ENTREP2: variants seen among roughly 807,000 people sequenced by gnomAD.
ENTREP2 encodes protein ENTREP2.
chr15:29,503,383 G>A, the ENTREP2 span, among the ~76,000 whole-genome samples: 8 of 152,144 alleles, frequency 5.3e-5, no homozygotes, highest in African/African-American at 1.9e-4. Flanking sequence ...ATGTCCAGAA[G>A]AGGCAAAATC....
the ENTREP2 span, chr15:29,569,427 T>G: frequency 2.1e-5 from 3 of 145,162 alleles, no homozygotes; most frequent in African/African-American, 7.4e-5. Context: ...TTTCAAATTT[T>G]AAAACTCAAG....
the ENTREP2 span, among the ~76,000 whole-genome samples, chr15:29,127,007 GC>G: frequency 6.6e-6 from 1 of 152,180 alleles, no homozygotes; most frequent in Non-Finnish European, 1.5e-5. Flanking sequence ...CAGCAGCCTT[GC>G]CCTGGGAACA....
chr15:29,378,552 A>G, the ENTREP2 span, among the ~76,000 whole-genome samples: 1 of 152,180 alleles, frequency 6.6e-6, no homozygotes, highest in Non-Finnish European at 1.5e-5. Flanking sequence ...CAGTCAGTGG[A>G]AAGAAGAGAA....
the ENTREP2 span, among the ~76,000 whole-genome samples, chr15:29,238,506 G>A: frequency 1.1e-4 from 16 of 152,156 alleles, no homozygotes; most frequent in East Asian, 2.3e-3. Context: ...TTGGTGGGAC[G>A]TGCCTGTAGT....
At chr15:29,356,466 C>A in the ENTREP2 span, among the ~76,000 whole-genome samples, 1 of 150,972 alleles carries the variant, frequency 6.6e-6, no homozygotes, top group East Asian at 2.0e-4. Flanking sequence ...CTACCACACC[C>A]AGCTAATTTT....
At chr15:29,249,337 T>C in the ENTREP2 span, among the ~76,000 whole-genome samples, 8 of 152,118 alleles carry the variant, frequency 5.3e-5, no homozygotes, top group Non-Finnish European at 1.0e-4. Context: ...CATGGAACAA[T>C]GTGATCAGTT....
At chr15:29,302,373 A>G in the ENTREP2 span, among the ~76,000 whole-genome samples, 4 of 152,220 alleles carry the variant, frequency 2.6e-5, no homozygotes, top group Non-Finnish European at 5.9e-5. Flanking sequence ...AAAAAGTAGA[A>G]TGATGCTGGT....
chr15:29,540,688 C>G, the ENTREP2 span, among the ~76,000 whole-genome samples: 3 of 152,228 alleles, frequency 2.0e-5, no homozygotes, highest in Non-Finnish European at 4.4e-5. Flanking sequence ...CATAATTGAT[C>G]ATGTAACTGA....
chr15:29,126,386 G>A, the ENTREP2 span: 1 of 1,546,068 alleles, frequency 6.5e-7, no homozygotes, highest in Non-Finnish European at 8.7e-7. Context: ...AGGGGGAAGG[G>A]CAGGTTCGGA....
chr15:29,539,060 AG>A, the ENTREP2 span, among the ~76,000 whole-genome samples: 15 of 152,296 alleles, frequency 9.8e-5, no homozygotes, highest in Non-Finnish European at 1.6e-4. Context: ...GGATATGACA[AG>A]GGGTGGTGAG....
chr15:29,165,845 A>C, the ENTREP2 span, among the ~76,000 whole-genome samples: 1 of 152,174 alleles, frequency 6.6e-6, no homozygotes, highest in African/African-American at 2.4e-5. Flanking sequence ...CCCTAATACC[A>C]AAACCAGGAA....
chr15:29,647,893 C>G, the ENTREP2 span, among the ~76,000 whole-genome samples: 1 of 152,120 alleles, frequency 6.6e-6, no homozygotes, highest in African/African-American at 2.4e-5. Flanking sequence ...CAGGCACACT[C>G]TACCCAAAAA....
the ENTREP2 span, among the ~76,000 whole-genome samples, chr15:29,168,325 A>C: frequency 3.9e-5 from 6 of 152,186 alleles, no homozygotes; most frequent in Non-Finnish European, 7.3e-5. Flanking sequence ...TAACTTATGG[A>C]AAAAAAGAAT....
At chr15:29,261,597 T>C in the ENTREP2 span, among the ~76,000 whole-genome samples, 14 of 152,330 alleles carry the variant, frequency 9.2e-5, no homozygotes, top group South Asian at 2.9e-3. Flanking sequence ...GCTAACCACA[T>C]ATTAGGCCAA....
At chr15:29,202,183 C>T in the ENTREP2 span, among the ~76,000 whole-genome samples, 1 of 152,006 alleles carries the variant, frequency 6.6e-6, no homozygotes, top group Non-Finnish European at 1.5e-5. Flanking sequence ...AGAGTTTTGT[C>T]AATGTTGTTG....
the ENTREP2 span, chr15:29,136,976 C>A: frequency 7.4e-7 from 1 of 1,352,150 alleles, no homozygotes; most frequent in Non-Finnish European, 9.6e-7. Flanking sequence ...CTCCCACCAC[C>A]CGGACACTGC....
At chr15:29,633,989 T>C in the ENTREP2 span, among the ~76,000 whole-genome samples, 3 of 151,944 alleles carry the variant, frequency 2.0e-5, no homozygotes, top group African/African-American at 7.2e-5. Context: ...GGGGGTTTCA[T>C]GAGGGGCTCA....
the ENTREP2 span, among the ~76,000 whole-genome samples, chr15:29,336,184 C>G: frequency 6.3e-4 from 95 of 151,660 alleles, no homozygotes; most frequent in African/African-American, 2.2e-3. Context: ...GACATAAACC[C>G]TTTTCCTATC....
chr15:29,151,687 A>G, the ENTREP2 span: 6 of 1,440,656 alleles, frequency 4.2e-6, no homozygotes, highest in Admixed American at 2.0e-5. Context: ...GTCCACTCCT[A>G]CACTGGTTTC....
Sources: allele counts gnomAD v4.1 joint callset (sites outside exome capture counted in the v4.1 genomes callset), GRCh38; gene constraint gnomAD v4.1.1; transcripts MANE v1.5; gene names NCBI Gene and HGNC (gene_info 2026-07-23, HGNC 2026-07-21).